The following FBLN7 variants were observed in gnomAD, a reference collection of about 807,000 sequenced individuals.
FBLN7 encodes fibulin 7, also known as fibulin-7.
FBLN7 carries 31 observed loss-of-function variants against 44.0 expected under a neutral mutation model. The observed-to-expected ratio is 0.70, with a 90% confidence interval of 0.53 to 0.95. The LOEUF (loss-of-function observed/expected upper bound fraction) is 0.95. Ranked by LOEUF, FBLN7 falls within the 40% of genes least tolerant of loss-of-function variation. The pLI is 0.00. For missense variants in FBLN7, 573 were observed against 618.5 expected (o/e 0.93, Z 0.78); for synonymous variants, 262 against 253.4 (o/e 1.03, Z -0.32).
chr2:112,183,001 C>A, intron 6 of FBLN7, 73 bp downstream of exon 6: 1 of 1,567,780 alleles, frequency 6.4e-7, no homozygotes, highest in African/African-American at 1.4e-5. Context: ...ACCTCACAGT[C>A]GGGAGTGAGG....
intron 3 of FBLN7, among the ~76,000 whole-genome samples, chr2:112,168,322 G>T (rs1247090650): frequency 6.6e-6 from 1 of 152,226 alleles, no homozygotes; most frequent in Non-Finnish European, 1.5e-5. Context: ...GACTAACTCA[G>T]GGAACAAGGT....
At chr2:112,219,806 A>C in the FBLN7 span, among the ~76,000 whole-genome samples, 3 of 152,164 alleles carry the variant, frequency 2.0e-5, no homozygotes, top group African/African-American at 7.2e-5. Flanking sequence ...TATAGAGTTC[A>C]GGTCCCAAAC....
chr2:112,170,514 GA>G (rs1682403198), intron 3 of FBLN7, among the ~76,000 whole-genome samples: 1 of 148,398 alleles, frequency 6.7e-6, no homozygotes. Context: ...GTGACAGAGT[GA>G]GACCCTGTCT....
At chr2:112,145,659 A>G (rs1680868976) in intron 1 of FBLN7, among the ~76,000 whole-genome samples, 1 of 152,148 alleles carries the variant, frequency 6.6e-6, no homozygotes, top group South Asian at 2.1e-4. Flanking sequence ...ATTTTCTTCT[A>G]AAATTTTTAT....
chr2:112,143,906 A>G (rs1326021154), intron 1 of FBLN7, among the ~76,000 whole-genome samples: 1 of 152,194 alleles, frequency 6.6e-6, no homozygotes, highest in Non-Finnish European at 1.5e-5. Context: ...ATAAATGGAA[A>G]AGAGTACATG....
chr2:112,164,428 T>A (rs1682031704), intron 2 of FBLN7, among the ~76,000 whole-genome samples: 1 of 152,184 alleles, frequency 6.6e-6, no homozygotes, highest in African/African-American at 2.4e-5. Flanking sequence ...TTACAGATAC[T>A]GAGAAGACAG....
chr2:112,210,041 G>A, the FBLN7 span, among the ~76,000 whole-genome samples: 2 of 151,748 alleles, frequency 1.3e-5, no homozygotes, highest in Admixed American at 1.3e-4. Flanking sequence ...GGTGAGGAGG[G>A]AATTTGTGCA....
At chr2:112,162,565 G>A (rs1054264254) in intron 2 of FBLN7, among the ~76,000 whole-genome samples, 9 of 152,156 alleles carry the variant, frequency 5.9e-5, no homozygotes, top group African/African-American at 1.4e-4. Flanking sequence ...CTCGGAAGGC[G>A]CAGGGAGCTT....
the FBLN7 span, among the ~76,000 whole-genome samples, chr2:112,211,082 AGT>A: frequency 6.6e-6 from 1 of 152,200 alleles, no homozygotes; most frequent in Non-Finnish European, 1.5e-5. Context: ...GCTGTCCACA[AGT>A]CCTAGATGCA....
the FBLN7 span, among the ~76,000 whole-genome samples, chr2:112,209,966 G>T: frequency 1.3e-5 from 2 of 152,070 alleles, no homozygotes; most frequent in African/African-American, 4.8e-5. Context: ...CAAGTGGAAT[G>T]AGAGATGTTT....
At chr2:112,236,840 A>AGTTCAAGGCCAGCCTAAGT in the FBLN7 span, 1 of 765,460 alleles carries the variant, frequency 1.3e-6, no homozygotes. Flanking sequence ...CAAAGCTAGG[A>AGTTCAAGGCCAGCCTAAGT]GTTCAAGGCC....
At chr2:112,158,499 A>G (rs1021808289) in intron 1 of FBLN7, among the ~76,000 whole-genome samples, 1 of 151,706 alleles carries the variant, frequency 6.6e-6, no homozygotes, top group Non-Finnish European at 1.5e-5. Flanking sequence ...GCAGTGGTGC[A>G]GTCTCGGCTC....
intron 3 of FBLN7, among the ~76,000 whole-genome samples, chr2:112,174,466 G>A (rs1682636671): frequency 6.6e-6 from 1 of 152,200 alleles, no homozygotes; most frequent in African/African-American, 2.4e-5. Context: ...CCCAAAACAA[G>A]TCTGTCGTTC....
Position 112,187,183 on chromosome 2 carries a change from C to T in FBLN7, c.997C>T (p.Leu333=). The T allele has an allele frequency of 6.2e-7, 1 of 1,614,082 alleles. No homozygotes were observed. Among genetic ancestry groups the T allele is most frequent in the Middle Eastern group, 1.6e-4 (1 of 6,062 alleles). ...CPMDSRPCRH[L]PKTISFHYLS... ...CATGGACAGCAGGCCCTGCCGCCAT[C>T]TGCCCAAGACCATCTCCTTCCATTA... The change falls in exon 8 of 8, where the codon CTG becomes TTG. Residue 333 remains leucine (L), a synonymous_variant. Transcript: ENST00000331203. This position sits in a 1 kb window ranked among gnomAD's most constrained non-coding sequence, Gnocchi z 5.1.
the FBLN7 span, among the ~76,000 whole-genome samples, chr2:112,230,167 C>T: frequency 2.6e-5 from 4 of 152,050 alleles, no homozygotes; most frequent in Non-Finnish European, 5.9e-5. Context: ...AATTAAGTTA[C>T]GAGATTCTAT....
intron 1 of FBLN7, among the ~76,000 whole-genome samples, chr2:112,145,886 A>T (rs1410255282): frequency 6.6e-6 from 1 of 152,200 alleles, no homozygotes; most frequent in Non-Finnish European, 1.5e-5. Context: ...ACTTATCTTG[A>T]TTACCGTAGC....
At chr2:112,220,540 G>A in the FBLN7 span, among the ~76,000 whole-genome samples, 1 of 152,120 alleles carries the variant, frequency 6.6e-6, no homozygotes, top group Non-Finnish European at 1.5e-5. Context: ...CCCTTTGTAG[G>A]GCTGGGCGCG....
At chr2:112,213,862 T>C in the FBLN7 span, 6 of 142,584 alleles carry the variant, frequency 4.2e-5, no homozygotes, top group Non-Finnish European at 9.0e-5. Flanking sequence ...AAAAGACCCA[T>C]ATGAAACCTG....
intron 6 of FBLN7, 130 bp downstream of exon 6, chr2:112,183,058 C>T: frequency 7.9e-7 from 1 of 1,262,324 alleles, no homozygotes; most frequent in South Asian, 1.5e-5. Flanking sequence ...TTTAAAAAGC[C>T]ACCAACCAAA....
Sources: allele counts gnomAD v4.1 joint callset (sites outside exome capture counted in the v4.1 genomes callset), GRCh38; gene constraint gnomAD v4.1.1; non-coding constraint Gnocchi (gnomAD v3.1); transcripts MANE v1.5; gene names NCBI Gene and HGNC (gene_info 2026-07-23, HGNC 2026-07-21).